The following AFF1 variants were observed in gnomAD, a reference collection of about 807,000 sequenced individuals.
The protein encoded by AFF1 is AF4/FMR2 family member 1.
AFF1 carries 48 observed loss-of-function variants against 121.7 expected under a neutral mutation model. The ratio of observed to expected loss-of-function variants is 0.39; its 90% CI spans 0.31 to 0.50. AFF1 has a LOEUF of 0.50. AFF1 is among the 20% of genes least tolerant of loss of function. The pLI is 0.76. For synonymous variants in AFF1, 613 were observed against 563.0 expected, an observed-to-expected ratio of 1.09 and a Z score of -1.26; for missense variants, 1,523 against 1,511.7, an observed-to-expected ratio of 1.01 and a Z score of -0.12.
At chr4:87,071,173 CTTTTT>C in intron 4 of AFF1, among the ~76,000 whole-genome samples, 1 of 120,734 alleles carries the variant, frequency 8.3e-6, no homozygotes, top group African/African-American at 3.0e-5. Context: ...CCCTACCAGT[CTTTTT>C]TTTTTTTTTT....
At chr4:86,994,099 G>A (rs912454583) in intron 2 of AFF1, among the ~76,000 whole-genome samples, 3 of 152,192 alleles carry the variant, frequency 2.0e-5, no homozygotes, top group African/African-American at 7.2e-5. Flanking sequence ...TAAGTAACAA[G>A]GCACTAAAAC....
At chr4:87,081,931 G>A (rs191782755) in intron 4 of AFF1, among the ~76,000 whole-genome samples, 24 of 152,180 alleles carry the variant, frequency 1.6e-4, no homozygotes, top group Admixed American at 1.1e-3. Context: ...ACATTTCGGC[G>A]ACATGAAACA....
chr4:87,029,406 C>T lies in AFF1; in HGVS notation c.39-16760C>T, dbSNP rs375524941. On this transcript the variant is annotated intron_variant, in intron 2 of 20. Transcript: ENST00000395146. ...CCTGTTTCCTCCTTACACTGTCAGC[C>T]TGACAGATGTCTTTTTATGTACGTA... Among the ~76,000 whole-genome samples the T allele has an allele frequency of 1.2e-4, 19 of 152,306 alleles. No individual in the cohort carries two copies. In the East Asian group the frequency reaches 2.9e-3, roughly 23 times the overall value.
chr4:86,946,862 G>A (rs914157151), intron 1 of AFF1, among the ~76,000 whole-genome samples: 1 of 152,116 alleles, frequency 6.6e-6, no homozygotes, highest in African/African-American at 2.4e-5. Context: ...CCTAGGGGTG[G>A]GTGCTATTGG....
chr4:87,055,789 C>T (rs1720064705), intron 4 of AFF1, among the ~76,000 whole-genome samples: 1 of 152,098 alleles, frequency 6.6e-6, no homozygotes, highest in African/African-American at 2.4e-5. Flanking sequence ...TAAACAGTTC[C>T]TCCTAAGAGA....
chr4:86,949,778 A>G, intron 2 of AFF1: 1 of 1,613,548 alleles, frequency 6.2e-7, no homozygotes, highest in Non-Finnish European at 8.5e-7. Context: ...GAAGCCCACC[A>G]GGGAGAACAG....
chr4:87,061,181 T>TC (rs761414520), intron 4 of AFF1, among the ~76,000 whole-genome samples: 5 of 152,204 alleles, frequency 3.3e-5, no homozygotes, highest in African/African-American at 4.8e-5. Flanking sequence ...GGTTCGTGTT[T>TC]CTAGTGATCT....
At chr4:87,051,227 T>C (rs138301486) in intron 4 of AFF1, among the ~76,000 whole-genome samples, 1 of 152,290 alleles carries the variant, frequency 6.6e-6, no homozygotes, top group Non-Finnish European at 1.5e-5. Context: ...CCCAGTTCTT[T>C]TGACTTGCTG....
At chr4:86,956,888 T>C (rs10022825) in intron 2 of AFF1, among the ~76,000 whole-genome samples, 7,794 of 152,276 alleles carry the variant, frequency 0.051, 235 homozygotes, top group Middle Eastern at 0.13. Flanking sequence ...TTTATTTCTT[T>C]TGGGCAGATG....
At chr4:87,001,096 T>C (rs1336718092) in intron 2 of AFF1, among the ~76,000 whole-genome samples, 2 of 151,406 alleles carry the variant, frequency 1.3e-5, no homozygotes, top group African/African-American at 4.8e-5. Context: ...CCGGGGACTC[T>C]CCTCCTACAG....
intron 6 of AFF1, 43 bp downstream of exon 6, chr4:87,090,113 G>A (rs756484885): frequency 6.6e-7 from 1 of 1,506,804 alleles, no homozygotes; most frequent in South Asian, 1.1e-5. Context: ...CCACCTTAGT[G>A]AAAAGCGTAA....
chr4:86,995,855 CT>C (rs533286749), intron 2 of AFF1, among the ~76,000 whole-genome samples: 5,258 of 151,526 alleles, frequency 0.035, 269 homozygotes, highest in African/African-American at 0.12. Flanking sequence ...GCCATCCCAT[CT>C]GGGAAGTGAG....
At chr4:86,961,740 T>A (rs919505707) in intron 2 of AFF1, among the ~76,000 whole-genome samples, 1 of 152,156 alleles carries the variant, frequency 6.6e-6, no homozygotes, top group Admixed American at 6.6e-5. Context: ...AGAGCCCTTT[T>A]CATCGCCGTG....
At chr4:86,953,258 T>G (rs1578838495) in intron 2 of AFF1, among the ~76,000 whole-genome samples, 1 of 152,326 alleles carries the variant, frequency 6.6e-6, no homozygotes, top group East Asian at 1.9e-4. Context: ...AGCTCTATTT[T>G]TAATACACAC....
intron 2 of AFF1, among the ~76,000 whole-genome samples, chr4:87,015,630 CT>C (rs1727216957): frequency 1.3e-5 from 2 of 152,130 alleles, no homozygotes; most frequent in South Asian, 4.1e-4. Flanking sequence ...TTTATTTGTT[CT>C]TACCCTTAGG....
intron 2 of AFF1, among the ~76,000 whole-genome samples, chr4:87,045,331 G>A (rs190558727): frequency 3.3e-5 from 5 of 152,130 alleles, no homozygotes; most frequent in East Asian, 1.9e-4. Context: ...CATACATTGC[G>A]TGTGAGGGCT....
chr4:87,034,203 G>A (rs779175302), intron 2 of AFF1, among the ~76,000 whole-genome samples: 20 of 152,182 alleles, frequency 1.3e-4, no homozygotes, highest in Non-Finnish European at 2.6e-4. Flanking sequence ...GGGGATTAGC[G>A]ATGCACAGCT....
intron 2 of AFF1, among the ~76,000 whole-genome samples, chr4:87,024,404 T>G (rs564027431): frequency 4.6e-5 from 7 of 152,266 alleles, no homozygotes; most frequent in African/African-American, 1.7e-4. Context: ...GGTCAGTGTT[T>G]CCCAGCGTTA....
At chr4:87,051,438 C>T (rs1273635294) in intron 4 of AFF1, among the ~76,000 whole-genome samples, 4 of 145,306 alleles carry the variant, frequency 2.8e-5, no homozygotes, top group East Asian at 2.0e-4. Context: ...TTAACGTACT[C>T]ATTCAACAAA....
Sources: allele counts gnomAD v4.1 joint callset (sites outside exome capture counted in the v4.1 genomes callset), GRCh38; gene constraint gnomAD v4.1.1; transcripts MANE v1.5; gene names NCBI Gene and HGNC (gene_info 2026-07-23, HGNC 2026-07-21).